The following CSF1R variants were observed in gnomAD, a reference collection of about 807,000 sequenced individuals.
The protein encoded by CSF1R is macrophage colony-stimulating factor 1 receptor.
Under a neutral mutation model 110.0 loss-of-function variants are expected in CSF1R, and 40 were observed. The ratio of observed to expected loss-of-function variants is 0.36; its 90% confidence interval spans 0.28 to 0.47. CSF1R has a LOEUF of 0.47. Among genes scored for constraint, CSF1R ranks in the 20% least tolerant of loss-of-function variants. CSF1R has a pLI of 0.99. For synonymous variants in CSF1R, 523 were observed against 503.4 expected (o/e 1.04, Z -0.52); for missense variants, 1,052 against 1,253.0 (o/e 0.84, Z 2.42).
chr5:150,078,541 G>GC (rs1376627847), intron 3 of CSF1R, among the ~76,000 whole-genome samples: 1 of 151,940 alleles, frequency 6.6e-6, no homozygotes, highest in Non-Finnish European at 1.5e-5. Context: ...CTCCCTCCAA[G>GC]CCCCCCACAC....
intron 1 of CSF1R, among the ~76,000 whole-genome samples, chr5:150,104,905 G>A (rs951979345): frequency 1.3e-5 from 2 of 151,136 alleles, no homozygotes; most frequent in Admixed American, 6.6e-5. Flanking sequence ...TTGAGATGGA[G>A]TTTCATTCTG....
Position 150,054,227 on chromosome 5 carries a change from G to A in CSF1R, c.2764-3C>T, listed in dbSNP as rs1297345730. The A allele has an allele frequency of 6.2e-7, 1 of 1,612,276 alleles. No homozygotes were observed. The highest frequency in any genetic ancestry group is 8.5e-7 in the Non-Finnish European group (1 of 1,179,204). ...CTGCTCGGCAGATTGGTATAGTCCT[G>A]AGGGTGGGAGGGACCAGAAACTGTC... On this transcript the variant is annotated splice_region_variant and splice_polypyrimidine_tract_variant and intron_variant, in intron 20 of 20. Coordinates refer to ENST00000675795, the MANE Select transcript of CSF1R (RefSeq NM_001288705.3).
intron 1 of CSF1R, among the ~76,000 whole-genome samples, chr5:150,113,054 C>T (rs1759775156): frequency 6.6e-6 from 1 of 152,296 alleles, no homozygotes; most frequent in South Asian, 2.1e-4. Flanking sequence ...ACTCTGTCCC[C>T]TGCCCCCAGC....
chr5:150,060,779 G>C, intron 13 of CSF1R, 83 bp downstream of exon 13: 1 of 831,432 alleles, frequency 1.2e-6, no homozygotes, highest in Non-Finnish European at 1.9e-6. Context: ...CTGAGAAGGA[G>C]AAGACGGAAC....
chr5:150,070,413 C>T, intron 7 of CSF1R, 43 bp downstream of exon 7: 1 of 1,561,704 alleles, frequency 6.4e-7, no homozygotes, highest in Non-Finnish European at 8.7e-7. Context: ...TCCAGGCAGT[C>T]CCAGGGCCTC....
intron 16 of CSF1R, 113 bp downstream of exon 16, chr5:150,057,174 C>A: frequency 1.2e-6 from 1 of 848,054 alleles, no homozygotes; most frequent in South Asian, 1.6e-5. Flanking sequence ...CATACTCTGT[C>A]TCCTCCCCTA....
intron 19 of CSF1R, among the ~76,000 whole-genome samples, chr5:150,054,993 CAAAAAAAAAAAA>C (rs11342950): frequency 1.9e-4 from 14 of 74,796 alleles, no homozygotes; most frequent in African/African-American, 4.3e-4. Context: ...GATGCTGTCT[CAAAAAAAAAAAA>C]AAAAAAAAAG....
intron 14 of CSF1R, among the ~76,000 whole-genome samples, chr5:150,058,801 TC>T (rs2113785444): frequency 6.6e-6 from 1 of 152,076 alleles, no homozygotes; most frequent in Non-Finnish European, 1.5e-5. Flanking sequence ...CCCTTCTTGT[TC>T]TGATCCTGTC....
chr5:150,092,743 C>G (rs1759087401), intron 1 of CSF1R, among the ~76,000 whole-genome samples: 1 of 152,102 alleles, frequency 6.6e-6, no homozygotes, highest in Non-Finnish European at 1.5e-5. Context: ...CTGGCCCCAC[C>G]CTTGACATGT....
chr5:150,074,334 G>A (rs1353988413), intron 5 of CSF1R, among the ~76,000 whole-genome samples: 1 of 122,968 alleles, frequency 8.1e-6, no homozygotes, highest in East Asian at 3.7e-4. Flanking sequence ...TTGAAACAGA[G>A]TCTTGCTCTG....
intron 5 of CSF1R, among the ~76,000 whole-genome samples, chr5:150,076,660 C>T (rs935414539): frequency 5.3e-5 from 8 of 152,220 alleles, no homozygotes; most frequent in Admixed American, 1.3e-4. Context: ...CCTCTGCTCC[C>T]CTGTGGCCAC....
chr5:150,076,060 G>A (rs1758245951), intron 5 of CSF1R, among the ~76,000 whole-genome samples: 1 of 152,230 alleles, frequency 6.6e-6, no homozygotes, highest in Non-Finnish European at 1.5e-5. Flanking sequence ...CTGCTGCCTT[G>A]CTTCAGGGTC....
Position 150,058,335 on chromosome 5 carries a change from T to C in CSF1R, c.2133-743A>G. ...CTACTGTAGACTGAAGCACTACTGCTCCTAACGTTCCAGCCAGATAGGATT... is the reference window on the plus strand; with the variant it reads ...CTACTGTAGACTGAAGCACTACTGCCCCTAACGTTCCAGCCAGATAGGATT... On this transcript the variant is annotated intron_variant, in intron 14 of 20. Transcript: ENST00000675795. The C allele has an allele frequency of 6.6e-6, 3 of 456,194 alleles. No homozygotes were observed. The Middle Eastern group carries it at 9.8e-4, about 148-fold the overall frequency. The allele number at this position is 456,194 out of a possible 1,614,324, so 28.3% of individuals were successfully genotyped here. A position where few individuals can be genotyped will look rare whatever the true frequency, so the allele number is the denominator to read the frequency against.
chr5:150,057,142 G>C (rs1757254790), intron 16 of CSF1R, 145 bp downstream of exon 16: 1 of 672,370 alleles, frequency 1.5e-6, no homozygotes, highest in South Asian at 1.9e-5. Context: ...CATCCTTGCA[G>C]CTGCTGCCCA....
At chr5:150,097,245 C>T (rs1759251888) in intron 1 of CSF1R, among the ~76,000 whole-genome samples, 1 of 140,098 alleles carries the variant, frequency 7.1e-6, no homozygotes, top group Non-Finnish European at 1.5e-5. Context: ...AAGTGACACT[C>T]AGTCTCAAAA....
At chr5:150,081,114 G>A (rs2113834001) in intron 1 of CSF1R, 90 bp from the exon 2 acceptor site, 3 of 1,469,850 alleles carry the variant, frequency 2.0e-6, no homozygotes, top group Non-Finnish European at 2.8e-6. Context: ...TAGCTTGGCA[G>A]GGATGGTGCT....
intron 1 of CSF1R, among the ~76,000 whole-genome samples, chr5:150,104,678 C>T (rs1759494878): frequency 6.6e-6 from 1 of 152,284 alleles, no homozygotes; most frequent in East Asian, 1.9e-4. Context: ...GTCACTTTCC[C>T]AAGATCACAC....
At chr5:150,109,875 G>A (rs1759666547) in intron 1 of CSF1R, among the ~76,000 whole-genome samples, 1 of 152,192 alleles carries the variant, frequency 6.6e-6, no homozygotes, top group Non-Finnish European at 1.5e-5. Context: ...ATGGGAAATA[G>A]TCCAAATGCC....
Position 150,062,420 on chromosome 5 carries a change from C to G in CSF1R, c.1627-571G>C, listed in dbSNP as rs990893096. Among the ~76,000 whole-genome samples the G allele has an allele frequency of 4.8e-5, 7 of 146,638 alleles. 2 individuals are homozygous for G. Among genetic ancestry groups the G allele is most frequent in the Admixed American group, 4.5e-4 (6 of 13,476 alleles). ...AAATTCTGTTCCTGTTAAAAAGCAA[C>G]TCCCCTTTCCCTCCTCCAGCCCCTG... is the stretch of plus-strand genomic sequence containing the variant. On this transcript the variant is annotated intron_variant, in intron 10 of 20. Coordinates refer to ENST00000675795, the MANE Select transcript of CSF1R (RefSeq NM_001288705.3).
Sources: allele counts gnomAD v4.1 joint callset (sites outside exome capture counted in the v4.1 genomes callset), GRCh38; gene constraint gnomAD v4.1.1; transcripts MANE v1.5; gene names NCBI Gene and HGNC (gene_info 2026-07-23, HGNC 2026-07-21).